FBN3: variants seen among roughly 807,000 people sequenced by gnomAD.
FBN3 encodes fibrillin-3.
FBN3 carries 234 observed loss-of-function variants against 330.1 expected under a neutral mutation model. The observed-to-expected ratio is 0.71, with a 90% CI of 0.64 to 0.79. The LOEUF is 0.79. Among genes scored for constraint, FBN3 ranks in the 30% least tolerant of loss-of-function variants. The pLI, the probability that FBN3 is intolerant of heterozygous loss-of-function variation, is 0.00. For synonymous variants in FBN3, 1,458 were observed against 1,517.3 expected, an observed-to-expected ratio of 0.96 and a Z score of 0.91; for missense variants, 3,606 against 3,886.9, an observed-to-expected ratio of 0.93 and a Z score of 1.92.
In FBN3 at chr19:8,131,884, C is replaced by T. The variant is rs767962881; in HGVS notation, c.1715-55G>A. The T allele has an allele frequency of 8.9e-6, 13 of 1,465,190 alleles. No homozygotes were observed. Among genetic ancestry groups the T allele is most frequent in the Non-Finnish European group, 1.2e-5 (13 of 1,106,580 alleles). The allele number at this position is 1,465,190 out of a possible 1,614,324, so 90.8% of individuals were successfully genotyped here. A position where few individuals can be genotyped will look rare whatever the true frequency, so the allele number is the denominator to read the frequency against. The stretch of plus-strand genomic sequence containing the variant: ...GTTCCAGCGTGCTCCCTTCCTCTCT[C>T]CCCTCCCCATCTCCCAACATTTCCA... On this transcript the variant is annotated intron_variant, in intron 14 of 63. Coordinates refer to ENST00000600128, the MANE Select transcript of FBN3 (RefSeq NM_032447.5). This position sits in a 1 kb window ranked among gnomAD's most constrained non-coding sequence, Gnocchi z 4.5.
intron 63 of FBN3, among the ~76,000 whole-genome samples, chr19:8,071,171 G>T (rs990733423): frequency 4.6e-5 from 7 of 152,310 alleles, no homozygotes; most frequent in African/African-American, 1.4e-4. Context: ...GGTGATGGCT[G>T]CAGGACTGAC....
rs766753002 is a variant in FBN3, at chr19:8,096,469, G to A, written c.5514C>T (p.Ala1838=). The A allele has an allele frequency of 2.5e-6, 4 of 1,614,004 alleles. No individual in the cohort carries two copies. Among genetic ancestry groups the A allele is most frequent in the South Asian group, 1.1e-5 (1 of 91,068 alleles). Residue 1838 remains alanine (A), a synonymous_variant, in exon 44 of 64, where the codon GCC becomes GCT. Transcript: ENST00000600128. The surrounding 1 kb of genome is among the most constrained non-coding windows in gnomAD (Gnocchi z 4.6). ...CCATGCACAGGGTCTGGTCTGCAGA[G>A]GCCTGGAATCCACGGTGACACAGAC... ...YMCLCHRGFQ[A]SADQTLCMDI...
Position 8,073,055 on chromosome 19 carries a change from C to A in FBN3, c.7937+8G>T. ...ATGGAGTCTGCTTGCCCCACTCCAG[C>A]CTCTCACCCTTGCCCAGCCCGGAAG... On this transcript the variant is annotated splice_region_variant and intron_variant, in intron 62 of 63. Transcript: ENST00000600128. 3 of 1,594,894 alleles carry A rather than the reference C, an allele frequency of 1.9e-6. No homozygotes were observed. Among genetic ancestry groups the A allele is most frequent in the Non-Finnish European group, 2.6e-6 (3 of 1,168,330 alleles).
In FBN3 at chr19:8,123,264, G is replaced by A. The variant is rs555608049; in HGVS notation, c.3082+200C>T. Among the ~76,000 whole-genome samples, 13 of 152,190 alleles carry A rather than the reference G, an allele frequency of 8.5e-5. No homozygotes were observed. In the South Asian group the frequency reaches 2.7e-3, roughly 32 times the overall value. On this transcript the variant is annotated intron_variant, in intron 24 of 63. Coordinates refer to ENST00000600128, the MANE Select transcript of FBN3 (RefSeq NM_032447.5). ...AGCTACTTAGGAGGCTGAGGCAGGA[G>A]AGTCGCTTGAACCTGGGAGGCGGAG...
At position 8,106,151 on chromosome 19, in the gene FBN3, G is replaced by A. The variant is rs1392146991; in HGVS notation, c.4770C>T (p.Cys1590=). The change falls in exon 38 of 64, where the codon TGC becomes TGT. Residue 1590 remains cysteine, a synonymous_variant. Transcript: ENST00000600128. ...GCTCACTGAGGTGGTAGCCAGGTGG[G>A]CACTCACACTGGAAACTGCCAAACG... The part of the protein sequence containing the change: ...VNTFGSFQCE[C]PPGYHLSEHT... 6.8e-6 allele frequency: 11 copies of A among 1,613,988 alleles called. No individual in the cohort carries two copies. The highest frequency in any genetic ancestry group is 5.5e-5 in the South Asian group (5 of 91,078).
In FBN3 at chr19:8,131,352, A is replaced by G. The variant is rs2083141794; in HGVS notation, c.1991-64T>C. The G allele has an allele frequency of 1.1e-5, 18 of 1,574,668 alleles. No homozygotes were observed. The highest frequency in any genetic ancestry group is 1.6e-5 in the Non-Finnish European group (18 of 1,150,538). Reference sequence around the variant, plus strand: ...TTAGCCATGGCTCGGATTCAGCCACAGGCAAGGATGAGGCCCTCTGGTCTT... The same window carrying G: ...TTAGCCATGGCTCGGATTCAGCCACGGGCAAGGATGAGGCCCTCTGGTCTT... On this transcript the variant is annotated intron_variant, in intron 15 of 63. Transcript: ENST00000600128. This position sits in a 1 kb window ranked among gnomAD's most constrained non-coding sequence, Gnocchi z 4.5.
rs142940013 is a variant in FBN3 at position 8,085,447 on chromosome 19, G to A, written c.7003C>T (p.Arg2335Cys). 2.0e-4 allele frequency: 319 copies of A among 1,576,172 alleles called. No homozygotes were observed. In the East Asian group the frequency reaches 6.6e-3, roughly 33 times the overall value. Residue 2335 changes from arginine to cysteine, a missense_variant, in exon 56 of 64, where the codon CGC becomes TGC. Coordinates refer to ENST00000600128, the MANE Select transcript of FBN3 (RefSeq NM_032447.5). ...CCGGGRGWGP[R>C]CELCPLPGTS... ...CCGGGCAGGGGACAGAGCTCGCAGC[G>A]GGGCCCCCAGCCCCGGCCACCCCCA... is the stretch of plus-strand genomic sequence containing the variant.
chr19:8,123,820 T>C lies in FBN3; in HGVS notation c.2920A>G (p.Ser974Gly). Residue 974 changes from serine to glycine, a missense_variant, in exon 23 of 64, where the codon AGC becomes GGC. By Grantham distance (56) the Ser-to-Gly change is moderately conservative. Transcript: ENST00000600128. The part of the protein sequence containing the change: ...SLCPRGLGFA[S>G]RDFLSGRPFY... ...GGTCGGCCAGACAGGAAGTCCCGGC[T>C]GGCGAAGCCCAGCCCCCGCGGGCAC... The C allele has an allele frequency of 6.2e-7, 1 of 1,613,120 alleles. No individual in the cohort carries two copies. The highest frequency in any genetic ancestry group is 8.5e-7 in the Non-Finnish European group (1 of 1,179,906).
rs779508457 is a variant in FBN3, at chr19:8,138,525, C to T, written c.905G>A (p.Gly302Asp). ...AGACFSVLFG[G>D]RCAGDLAGHY... The stretch of plus-strand genomic sequence containing the variant: ...GCCGGCGAGGTCTCCAGCACAGCGG[C>T]CCCCGAAAAGCACTGAGAAGCAGGC... The change falls in exon 9 of 64, where the codon GGC becomes GAC. Residue 302 changes from glycine to aspartate, a missense_variant. Physicochemically the swap from Gly to Asp is moderately conservative, Grantham distance 94. Coordinates refer to ENST00000600128, the MANE Select transcript of FBN3 (RefSeq NM_032447.5). 1 of 1,612,282 alleles carries T rather than the reference C, an allele frequency of 6.2e-7. No homozygotes were observed. The highest frequency in any genetic ancestry group is 1.1e-5 in the South Asian group (1 of 90,992).
Position 8,123,512 on chromosome 19 carries a change from C to A in FBN3, c.3034G>T (p.Ala1012Ser), listed in dbSNP as rs778218614. Residue 1012 changes from alanine to serine, a missense_variant, in exon 24 of 64, where the codon GCC becomes TCC. By Grantham distance (99) the Ala-to-Ser change is moderately conservative (BLOSUM62 1). Coordinates refer to ENST00000600128, the MANE Select transcript of FBN3 (RefSeq NM_032447.5). Reference sequence around the variant, plus strand: ...TCCAGGGCGAAGCCCCCCGCACAGGCGCAGTGGAAGCTGCCCACCGTGTTT... The same window carrying A: ...TCCAGGGCGAAGCCCCCCGCACAGGAGCAGTGGAAGCTGCCCACCGTGTTT... ...CRNTVGSFHC[A>S]CAGGFALDAQ... 1 of 1,614,172 alleles carries A rather than the reference C, an allele frequency of 6.2e-7. No individual in the cohort carries two copies. The highest frequency in any genetic ancestry group is 8.5e-7 in the Non-Finnish European group (1 of 1,180,024).
intron 13 of FBN3, 25 bp downstream of exon 13, chr19:8,135,936 G>GGGGGGGCCCCCC: frequency 1.5e-6 from 1 of 668,774 alleles, no homozygotes; most frequent in Non-Finnish European, 2.4e-6. Flanking sequence ...GGAAGCCCCT[G>GGGGGGGCCCCCC]CCCACCCGCC....
intron 59 of FBN3, among the ~76,000 whole-genome samples, chr19:8,080,459 CA>C (rs1419694632): frequency 6.6e-6 from 1 of 152,144 alleles, no homozygotes; most frequent in East Asian, 1.9e-4. Flanking sequence ...AGGGACTTGT[CA>C]GGGGGAAGGC....
Position 8,109,425 on chromosome 19 carries a change from A to G in FBN3, c.4457-37T>C, listed in dbSNP as rs199732502. ...GAAGGGGATGGTTAGTAGGTGTCAG[A>G]GGGAAAGCTGTATGTGTGCGTGTGC... On this transcript the variant is annotated intron_variant, in intron 35 of 63. Transcript: ENST00000600128. The surrounding 1 kb of genome is among the most constrained non-coding windows in gnomAD (Gnocchi z 5.2). 1.9e-5 allele frequency: 31 copies of G among 1,612,296 alleles called. No homozygotes were observed. Among genetic ancestry groups the G allele is most frequent in the Admixed American group, 6.7e-5 (4 of 59,976 alleles).
intron 56 of FBN3, among the ~76,000 whole-genome samples, chr19:8,084,209 TCA>T (rs1476392673): frequency 6.6e-6 from 1 of 152,048 alleles, no homozygotes; most frequent in Non-Finnish European, 1.5e-5. Context: ...ACGCAGACAC[TCA>T]CATACCTGCC....
chr19:8,099,275 G>GTTT (rs2082276130), intron 41 of FBN3, among the ~76,000 whole-genome samples: 1 of 96,360 alleles, frequency 1.0e-5, no homozygotes, highest in African/African-American at 3.6e-5. Flanking sequence ...GTCATGGTTT[G>GTTT]ATTTTTTTTT....
intron 32 of FBN3, 44 bp downstream of exon 32, chr19:8,111,604 G>T (rs1468851224): frequency 7.0e-6 from 10 of 1,421,422 alleles, no homozygotes; most frequent in Non-Finnish European, 9.7e-6. Context: ...AGCCCCCGTG[G>T]CTGTCCCTCT....
chr19:8,148,449 G>A (rs2145083157), intron 1 of FBN3, among the ~76,000 whole-genome samples: 1 of 151,348 alleles, frequency 6.6e-6, no homozygotes, highest in South Asian at 2.1e-4. Context: ...CATGAGTGAG[G>A]GGCTAAGCCG....
rs775495075 is a variant in FBN3, at chr19:8,141,764, C to A, written c.818G>T (p.Arg273Leu). Residue 273 changes from arginine to leucine, a missense_variant, in exon 8 of 64, where the codon CGC becomes CTC. Coordinates refer to ENST00000600128, the MANE Select transcript of FBN3 (RefSeq NM_032447.5). ...ACTGAGCCGGTGTCCAACTGGACAGCGGCAATGGAAGGAGCCCACCATGTT... is the reference window on the plus strand; with the variant it reads ...ACTGAGCCGGTGTCCAACTGGACAGAGGCAATGGAAGGAGCCCACCATGTT... ...CVNMVGSFHC[R>L]CPVGHRLSDS... is the part of the protein sequence containing the mutation. 10 of 1,614,006 alleles carry A rather than the reference C, an allele frequency of 6.2e-6. No homozygotes were observed. The highest frequency in any genetic ancestry group is 1.7e-5 in the Admixed American group (1 of 60,004).
In FBN3 at chr19:8,144,434, T is replaced by G. The variant is rs574465489; in HGVS notation, c.541+443A>C. On this transcript the variant is annotated intron_variant, in intron 6 of 63. Transcript: ENST00000600128. ...ATTAGGGTGCAATAAAGAGGGGGTTTGCCCATCTCATGAAGTCCAGTCCAC... is the reference window on the plus strand; with the variant it reads ...ATTAGGGTGCAATAAAGAGGGGGTTGGCCCATCTCATGAAGTCCAGTCCAC... Among the ~76,000 whole-genome samples, 244 of 151,622 alleles carry G rather than the reference T, an allele frequency of 1.6e-3. 1 individual carries two copies. The highest frequency in any genetic ancestry group is 3.2e-4 in the Non-Finnish European group (22 of 67,896).
Sources: allele counts gnomAD v4.1 joint callset (sites outside exome capture counted in the v4.1 genomes callset), GRCh38; gene constraint gnomAD v4.1.1; non-coding constraint Gnocchi (gnomAD v3.1); transcripts MANE v1.5; gene names NCBI Gene and HGNC (gene_info 2026-07-23, HGNC 2026-07-21).